The following TTC7B variants were observed in gnomAD, a reference collection of about 807,000 sequenced individuals.
TTC7B encodes tetratricopeptide repeat protein 7B.
In TTC7B, 28 loss-of-function variants were observed where a neutral mutation model predicts 106.8. The observed-to-expected ratio is 0.26, with a 90% CI of 0.19 to 0.36. The LOEUF (loss-of-function observed/expected upper bound fraction) is 0.36. TTC7B is among the 10% of genes least tolerant of loss of function. TTC7B has a pLI of 1.00. For synonymous variants in TTC7B, 405 were observed against 430.6 expected (o/e 0.94, Z 0.74); for missense variants, 862 against 1,076.4 (o/e 0.80, Z 2.79).
At chr14:90,814,361 C>T (rs2031063518) in intron 1 of TTC7B, among the ~76,000 whole-genome samples, 1 of 152,238 alleles carries the variant, frequency 6.6e-6, no homozygotes, top group African/African-American at 2.4e-5. Flanking sequence ...ATTAACTCAT[C>T]TGTTTTGTTT....
intron 5 of TTC7B, among the ~76,000 whole-genome samples, chr14:90,714,441 T>C (rs1400959201): frequency 4.7e-5 from 7 of 149,080 alleles, no homozygotes; most frequent in Admixed American, 6.8e-5. Flanking sequence ...GTGAAGATGA[T>C]TGCACAGCTG....
At chr14:90,780,650 C>G in intron 3 of TTC7B, 88 bp downstream of exon 3, 1 of 1,467,952 alleles carries the variant, frequency 6.8e-7, no homozygotes, top group African/African-American at 1.4e-5. Context: ...TCATCACCAG[C>G]CAAGGGCCAA....
At chr14:90,542,499 G>T (rs913452398) in intron 19 of TTC7B, among the ~76,000 whole-genome samples, 3 of 152,112 alleles carry the variant, frequency 2.0e-5, no homozygotes, top group African/African-American at 7.2e-5. Flanking sequence ...TCATCCAATG[G>T]ACACTCTCAC....
At chr14:90,640,850 T>A (rs1340458428) in intron 15 of TTC7B, among the ~76,000 whole-genome samples, 1 of 152,242 alleles carries the variant, frequency 6.6e-6, no homozygotes, top group African/African-American at 2.4e-5. Context: ...ATTTAGTGAC[T>A]TGCTCAAGGT....
chr14:90,754,858 G>C (rs1595350276), intron 3 of TTC7B, among the ~76,000 whole-genome samples: 1 of 152,104 alleles, frequency 6.6e-6, no homozygotes, highest in Non-Finnish European at 1.5e-5. Flanking sequence ...TGGCTTCTTT[G>C]ACTTAGCATA....
At chr14:90,629,612 A>G (rs1207276144) in intron 15 of TTC7B, among the ~76,000 whole-genome samples, 1 of 152,242 alleles carries the variant, frequency 6.6e-6, no homozygotes, top group Non-Finnish European at 1.5e-5. Flanking sequence ...GGTTTCCAGG[A>G]AACACCTGCA....
At chr14:90,555,483 G>C (rs559593238) in intron 19 of TTC7B, among the ~76,000 whole-genome samples, 1 of 152,316 alleles carries the variant, frequency 6.6e-6, no homozygotes, top group East Asian at 1.9e-4. Context: ...GCACGCTGAG[G>C]GGTGCAGGAG....
chr14:90,717,985 T>C (rs936122536), intron 5 of TTC7B, among the ~76,000 whole-genome samples: 5 of 152,242 alleles, frequency 3.3e-5, no homozygotes, highest in Admixed American at 3.3e-4. Context: ...CTTGGCTTCC[T>C]TCTTGACCAG....
At chr14:90,607,025 C>G (rs899359349) in intron 17 of TTC7B, among the ~76,000 whole-genome samples, 2 of 151,400 alleles carry the variant, frequency 1.3e-5, no homozygotes, top group African/African-American at 4.8e-5. Flanking sequence ...TAGGGACTGG[C>G]CTTAAAATAC....
At chr14:90,700,849 A>C (rs1377459133) in intron 5 of TTC7B, among the ~76,000 whole-genome samples, 1 of 151,380 alleles carries the variant, frequency 6.6e-6, no homozygotes, top group East Asian at 2.0e-4. Flanking sequence ...AGTATCATCT[A>C]TCTTGAAAAA....
intron 15 of TTC7B, 145 bp from the exon 16 acceptor site, chr14:90,618,190 G>A (rs1206333911): frequency 6.7e-6 from 4 of 601,046 alleles, no homozygotes; most frequent in Non-Finnish European, 8.8e-6. Context: ...CAAGGAAAGC[G>A]GGATTCCAGA....
In TTC7B at chr14:90,623,398, A is replaced by T. The variant is rs560996152; in HGVS notation, c.1752-5353T>A. Reference sequence around the variant, plus strand: ...ACCCAAATCCATGTGAATAAGAAACAGAGAAGGATGATTGAAAATCCCACC... The same window carrying T: ...ACCCAAATCCATGTGAATAAGAAACTGAGAAGGATGATTGAAAATCCCACC... On this transcript the variant is annotated intron_variant, in intron 15 of 19. Transcript: ENST00000328459. 8.5e-4 allele frequency among the ~76,000 whole-genome samples: 129 copies of T among 152,360 alleles called. No individual in the cohort carries two copies. The South Asian group carries it at 8.9e-3, about 11-fold the overall frequency.
At chr14:90,717,105 C>T (rs189858638) in intron 5 of TTC7B, among the ~76,000 whole-genome samples, 20 of 152,218 alleles carry the variant, frequency 1.3e-4, no homozygotes, top group African/African-American at 3.6e-4. Flanking sequence ...TTTGGGAGGC[C>T]GAGGCAGGCA....
At chr14:90,581,462 C>T (rs766986355) in intron 18 of TTC7B, among the ~76,000 whole-genome samples, 6 of 152,232 alleles carry the variant, frequency 3.9e-5, no homozygotes, top group South Asian at 2.1e-4. Context: ...TCCCTCAACG[C>T]CCTCACCAAA....
intron 3 of TTC7B, chr14:90,766,962 C>T: frequency 1.4e-6 from 2 of 1,439,388 alleles, no homozygotes; most frequent in East Asian, 2.3e-5. Flanking sequence ...GCCATGGCCG[C>T]ACTGTGGGTG....
At chr14:90,721,231 C>T (rs77772737) in intron 5 of TTC7B, among the ~76,000 whole-genome samples, 7,644 of 152,210 alleles carry the variant, frequency 0.05, 227 homozygotes, top group Non-Finnish European at 0.06. Context: ...TCAACACAAA[C>T]GCACCCATCT....
rs1259699769 is a variant in TTC7B at position 90,657,359 on chromosome 14, G to A, written c.1237-81C>T. ...CTACAGCCTTCTCAGAGGGGTTTTT[G>A]GTCAGGGTGACCTCCTCGTGGGCTT... is the stretch of plus-strand genomic sequence containing the variant. On this transcript the variant is annotated intron_variant, in intron 10 of 19. Transcript: ENST00000328459. The surrounding 1 kb of genome is among the most constrained non-coding windows in gnomAD (Gnocchi z 4.2). 1 of 1,417,016 alleles carries A rather than the reference G, an allele frequency of 7.1e-7. No individual in the cohort carries two copies. The highest frequency in any genetic ancestry group is 9.7e-7 in the Non-Finnish European group (1 of 1,033,964). The allele number at this position is 1,417,016 out of a possible 1,614,324, so 87.8% of individuals were successfully genotyped here.
rs1181392121 is a variant in TTC7B, at chr14:90,539,379, C to A, written c.*1989G>T. 1 of 152,586 alleles carries A rather than the reference C, an allele frequency of 6.6e-6. No individual in the cohort carries two copies. The allele number at this position is 152,586 out of a possible 1,614,324, so 9.5% of individuals were successfully genotyped here. A position where few individuals can be genotyped will look rare whatever the true frequency, so the allele number is the denominator to read the frequency against. On this transcript the variant is annotated 3_prime_UTR_variant, in exon 20 of 20. Coordinates refer to ENST00000328459, the MANE Select transcript of TTC7B (RefSeq NM_001010854.2). ...GGTCCTGATCCAGTGGGCCTTGCCCCACGCTCCCGCATGGGATGGCAGAGC... is the reference window on the plus strand; with the variant it reads ...GGTCCTGATCCAGTGGGCCTTGCCCAACGCTCCCGCATGGGATGGCAGAGC...
At chr14:90,750,915 C>T (rs1457317191) in intron 3 of TTC7B, among the ~76,000 whole-genome samples, 2 of 152,212 alleles carry the variant, frequency 1.3e-5, no homozygotes, top group Non-Finnish European at 2.9e-5. Context: ...TATTTACAGG[C>T]CCTCTGGACT....
Sources: gnomAD v4.1 joint callset for allele counts (sites outside exome capture counted in the v4.1 genomes callset) on GRCh38, gnomAD v4.1.1 for gene constraint, Gnocchi (gnomAD v3.1) non-coding constraint, MANE v1.5 for transcripts, NCBI Gene and HGNC (gene_info 2026-07-23, HGNC 2026-07-21) for gene names.